The following CECR2 variants were observed in gnomAD, a reference collection of about 807,000 sequenced individuals.
CECR2 encodes chromatin remodeling regulator CECR2.
A neutral mutation model predicts 154.5 loss-of-function variants in CECR2; 30 were observed. That is an observed-to-expected ratio of 0.19 (90% CI 0.15 to 0.26). The LOEUF (loss-of-function observed/expected upper bound fraction) is 0.26, where lower values mean the gene tolerates loss of function less well. Among genes scored for constraint, CECR2 ranks in the 10% least tolerant of loss-of-function variants. CECR2 has a pLI of 1.00. For synonymous variants in CECR2, 725 were observed against 683.7 expected (o/e 1.06, Z -0.94); for missense variants, 1,743 against 1,829.3 (o/e 0.95, Z 0.86).
chr22:17,522,895 C>G (rs1017326104), intron 8 of CECR2, among the ~76,000 whole-genome samples: 4 of 151,692 alleles, frequency 2.6e-5, no homozygotes, highest in Non-Finnish European at 4.4e-5. Flanking sequence ...ATCTCAGCTA[C>G]TCGAGAGGCT....
chr22:17,450,883 GCT>G (rs2054757892), intron 1 of CECR2, among the ~76,000 whole-genome samples: 2 of 152,150 alleles, frequency 1.3e-5, no homozygotes, highest in Non-Finnish European at 2.9e-5. Flanking sequence ...TCTCATCCCT[GCT>G]GCTACTCTAG....
At chr22:17,446,938 T>TA (rs2054676372) in intron 1 of CECR2, among the ~76,000 whole-genome samples, 2 of 151,720 alleles carry the variant, frequency 1.3e-5, no homozygotes, top group African/African-American at 4.9e-5. Flanking sequence ...CTGGTGCATT[T>TA]TTACACAGTG....
At chr22:17,429,927 G>A (rs2054395591) in intron 1 of CECR2, among the ~76,000 whole-genome samples, 1 of 152,090 alleles carries the variant, frequency 6.6e-6, no homozygotes, top group Non-Finnish European at 1.5e-5. Context: ...TTCTCCTTAG[G>A]AGAAAAAATA....
intron 4 of CECR2, among the ~76,000 whole-genome samples, chr22:17,500,208 C>CAAAA (rs5844315): frequency 8.6e-6 from 1 of 115,994 alleles, no homozygotes; most frequent in African/African-American, 3.1e-5. Flanking sequence ...GAGACTCCAT[C>CAAAA]AAAAAAAAAA....
chr22:17,524,122 C>T lies in CECR2; in HGVS notation c.959C>T (p.Thr320Ile). Residue 320 changes from threonine to isoleucine, a missense_variant, in exon 9 of 19, where the codon ACT becomes ATT. Coordinates refer to ENST00000262608, the MANE Select transcript of CECR2 (RefSeq NM_001290047.2). ...LSIKPVKQEE[T>I]PVLTRIEKQK... Reference sequence around the variant, plus strand: ...GTGCTCATTGGCTCCTCACAGGAGACTCCTGTGCTGACCAGAATAGAAAAA... The same window carrying T: ...GTGCTCATTGGCTCCTCACAGGAGATTCCTGTGCTGACCAGAATAGAAAAA... 1.3e-6 allele frequency: 2 copies of T among 1,584,762 alleles called. No individual in the cohort carries two copies. The highest frequency in any genetic ancestry group is 4.6e-5 in the East Asian group (2 of 43,522).
Position 17,428,246 on chromosome 22 carries a change from A to T in CECR2, c.127-49342A>T, listed in dbSNP as rs1737110542. 2.0e-5 allele frequency: 3 copies of T among 152,302 alleles called. No homozygotes were observed. In the South Asian group the frequency reaches 6.2e-4, roughly 32 times the overall value. 9.4% of individuals were successfully genotyped at this position (152,302 alleles called of 1,614,324 possible). On this transcript the variant is annotated intron_variant, in intron 1 of 18. Transcript: ENST00000262608. ...CCTTTGTCAGATGGTTAGATTGCAA[A>T]AGTGGGGGAACACAAATTGTTAATG...
intron 1 of CECR2, among the ~76,000 whole-genome samples, chr22:17,435,705 A>C (rs886080886): frequency 6.8e-6 from 1 of 147,114 alleles, no homozygotes; most frequent in Non-Finnish European, 1.5e-5. Context: ...AAAAAAAAAA[A>C]AAAAACAGGA....
intron 1 of CECR2, among the ~76,000 whole-genome samples, chr22:17,469,765 T>C (rs2055094103): frequency 6.6e-6 from 1 of 152,234 alleles, no homozygotes; most frequent in African/African-American, 2.4e-5. Flanking sequence ...GGCGGTGACC[T>C]GCATGTTGCT....
At chr22:17,514,891 G>A (rs1256280761) in intron 8 of CECR2, among the ~76,000 whole-genome samples, 1 of 152,016 alleles carries the variant, frequency 6.6e-6, no homozygotes. Context: ...AAATTAGCTG[G>A]GCGTGGTGGT....
rs143134919 is a variant in CECR2 at position 17,502,631 on chromosome 22, G to A, written c.651-451G>A. Among the ~76,000 whole-genome samples the A allele has an allele frequency of 3.8e-3, 580 of 152,106 alleles. 4 individuals are homozygous for A. Among genetic ancestry groups the A allele is most frequent in the African/African-American group, 0.012 (513 of 41,498 alleles). On this transcript the variant is annotated intron_variant, in intron 5 of 18. Coordinates refer to ENST00000262608, the MANE Select transcript of CECR2 (RefSeq NM_001290047.2). ...AGCCTGGCCAACATGGTGAAATCCC[G>A]TCTCTACTAAAAAATACAAAAATTA...
At chr22:17,490,161 G>C (rs2146843656) in intron 2 of CECR2, among the ~76,000 whole-genome samples, 1 of 151,600 alleles carries the variant, frequency 6.6e-6, no homozygotes, top group Non-Finnish European at 1.5e-5. Flanking sequence ...GTGTGTGTGT[G>C]TGTGTGTTTG....
At chr22:17,365,911 T>C (rs997972825), upstream of CECR2, among the ~76,000 whole-genome samples, 2 of 151,572 alleles carry the variant, frequency 1.3e-5, no homozygotes, top group East Asian at 3.9e-4. Flanking sequence ...CAGGAACCTA[T>C]ATAAATCCCA....
chr22:17,367,413 C>T (rs561012927), upstream of CECR2, among the ~76,000 whole-genome samples: 7 of 151,920 alleles, frequency 4.6e-5, no homozygotes, highest in East Asian at 1.4e-3. Flanking sequence ...GAGACGGAGT[C>T]TCACTCTTAC....
At chr22:17,425,775 C>T (rs1009620195) in intron 1 of CECR2, among the ~76,000 whole-genome samples, 4 of 152,008 alleles carry the variant, frequency 2.6e-5, no homozygotes, top group Non-Finnish European at 5.9e-5. Context: ...AGGAGGTTAA[C>T]ACTTAATTAA....
intron 2 of CECR2, among the ~76,000 whole-genome samples, chr22:17,487,484 G>C (rs1203664098): frequency 6.6e-6 from 1 of 152,136 alleles, no homozygotes; most frequent in East Asian, 1.9e-4. Context: ...TGGATCACTA[G>C]GTCAGGAGAT....
Position 17,486,768 on chromosome 22 carries a change from G to T in CECR2, c.221+9086G>T, listed in dbSNP as rs118075305. 5.4e-3 allele frequency among the ~76,000 whole-genome samples: 817 copies of T among 152,294 alleles called. 24 individuals carry two copies. In the East Asian group the frequency reaches 0.098, roughly 18 times the overall value. ...GAAGAAGATCAAGTGAAAGCTTATC[G>T]CAATTCAGGAAAGTTATCATACCTG... is the stretch of plus-strand genomic sequence containing the variant. On this transcript the variant is annotated intron_variant, in intron 2 of 18. Transcript: ENST00000262608.
chr22:17,504,105 C>T (rs568169261), intron 6 of CECR2, among the ~76,000 whole-genome samples: 1 of 144,126 alleles, frequency 6.9e-6, no homozygotes, highest in Non-Finnish European at 1.5e-5. Flanking sequence ...GGTGCAGTGG[C>T]TCACACCTGT....
intron 1 of CECR2, among the ~76,000 whole-genome samples, chr22:17,430,930 C>T (rs890159752): frequency 2.0e-5 from 3 of 152,140 alleles, no homozygotes; most frequent in Non-Finnish European, 4.4e-5. Context: ...CAGATTAACT[C>T]TGTTAGTTTT....
chr22:17,552,773 A>ATTTTTTTTTTTT, intron 18 of CECR2, 62 bp from the exon 19 acceptor site: 1 of 395,768 alleles, frequency 2.5e-6, no homozygotes, highest in African/African-American at 6.6e-5. Context: ...GGCTTACTTA[A>ATTTTTTTTTTTT]GTTTTTTTTT....
Sources: allele counts gnomAD v4.1 joint callset (sites outside exome capture counted in the v4.1 genomes callset), GRCh38; gene constraint gnomAD v4.1.1; transcripts MANE v1.5; gene names NCBI Gene and HGNC (gene_info 2026-07-23, HGNC 2026-07-21).